Variants in PCCA observed in about 807,000 individuals in gnomAD.
The protein encoded by PCCA is propionyl-CoA carboxylase alpha chain, mitochondrial.
In PCCA, 74 loss-of-function variants were observed where a neutral mutation model predicts 101.3. The observed-to-expected ratio is 0.73, with a 90% CI of 0.61 to 0.89. PCCA has a LOEUF of 0.89. Among genes scored for constraint, PCCA ranks in the 40% least tolerant of loss-of-function variants. The probability of loss-of-function intolerance (pLI) is 0.00; values close to 1 mark genes in which losing one functional copy is unlikely to be tolerated. For synonymous variants in PCCA, 294 were observed against 313.6 expected, an observed-to-expected ratio of 0.94 and a Z score of 0.66; for missense variants, 891 against 907.0, an observed-to-expected ratio of 0.98 and a Z score of 0.23.
At chr13:100,128,122 T>A (rs1452732041) in intron 4 of PCCA, among the ~76,000 whole-genome samples, 1 of 152,128 alleles carries the variant, frequency 6.6e-6, no homozygotes, top group Non-Finnish European at 1.5e-5. Context: ...CTGTTTTAAA[T>A]TGAGAAAATT....
At chr13:100,390,836 T>G (rs1352938156) in intron 19 of PCCA, among the ~76,000 whole-genome samples, 2 of 152,194 alleles carry the variant, frequency 1.3e-5, no homozygotes, top group Non-Finnish European at 2.9e-5. Flanking sequence ...CATTGAGATA[T>G]GCGGACAAGT....
chr13:100,192,908 T>C (rs548842059), intron 6 of PCCA, among the ~76,000 whole-genome samples: 1 of 152,284 alleles, frequency 6.6e-6, no homozygotes, highest in East Asian at 1.9e-4. Context: ...TCTTACCGTG[T>C]ATTGTTTTTA....
rs397820375 is a variant in PCCA, at chr13:100,244,960, T to C, written c.637+9082T>C. On this transcript the variant is annotated intron_variant, in intron 8 of 23. Coordinates refer to ENST00000376285, the MANE Select transcript of PCCA (RefSeq NM_000282.4). ...GTGTGTGTGTGTGTGTGTGTGTGTG[T>C]GTGTGCGCAGTAGTAGAGATGTGGA... 6.7e-4 allele frequency among the ~76,000 whole-genome samples: 86 copies of C among 127,978 alleles called. 1 individual carries two copies. The highest frequency in any genetic ancestry group is 2.3e-3 in the African/African-American group (80 of 34,088). The allele number at this position is 127,978 out of a possible 152,430, so 84.0% of individuals were successfully genotyped here.
chr13:100,187,578 G>C (rs1331177893), intron 6 of PCCA, among the ~76,000 whole-genome samples: 1 of 152,134 alleles, frequency 6.6e-6, no homozygotes, highest in Non-Finnish European at 1.5e-5. Context: ...ATGAGTTAGA[G>C]TCAAACAGTG....
At chr13:100,113,469 C>T (rs558600371) in intron 4 of PCCA, among the ~76,000 whole-genome samples, 7 of 152,170 alleles carry the variant, frequency 4.6e-5, no homozygotes, top group East Asian at 1.9e-4. Flanking sequence ...TTAGGCTACA[C>T]GACATTTATA....
At chr13:100,435,869 C>T (rs1279170759) in intron 20 of PCCA, among the ~76,000 whole-genome samples, 1 of 151,988 alleles carries the variant, frequency 6.6e-6, no homozygotes, top group Non-Finnish European at 1.5e-5. Flanking sequence ...CATCGTGAAA[C>T]CCCGTCTCTA....
At chr13:100,442,013 A>C (rs2080410620) in intron 20 of PCCA, among the ~76,000 whole-genome samples, 1 of 129,240 alleles carries the variant, frequency 7.7e-6, no homozygotes. Context: ...TTTATTTTTG[A>C]GACAGAGTCT....
intron 19 of PCCA, among the ~76,000 whole-genome samples, chr13:100,405,570 A>C (rs1216720356): frequency 6.6e-6 from 1 of 152,204 alleles, no homozygotes; most frequent in Non-Finnish European, 1.5e-5. Context: ...CATAAAATGC[A>C]ACAAGAATAA....
chr13:100,151,867 A>AATTTAT (rs1321295166), intron 4 of PCCA, among the ~76,000 whole-genome samples: 54 of 152,176 alleles, frequency 3.5e-4, no homozygotes, highest in Non-Finnish European at 7.4e-5. Flanking sequence ...TATAAAAAGG[A>AATTTAT]ATTTATATTT....
At chr13:100,508,934 G>A (rs907166344) in intron 21 of PCCA, among the ~76,000 whole-genome samples, 5 of 151,930 alleles carry the variant, frequency 3.3e-5, no homozygotes, top group African/African-American at 9.7e-5. Context: ...AACCGTAAAC[G>A]CTTGCAGTTG....
intron 20 of PCCA, among the ~76,000 whole-genome samples, chr13:100,428,680 C>A (rs1250382348): frequency 6.6e-6 from 1 of 152,072 alleles, no homozygotes; most frequent in Non-Finnish European, 1.5e-5. Context: ...AGTTGTTGGA[C>A]CCACCCATAG....
chr13:100,361,667 A>G (rs1209346794), intron 18 of PCCA, among the ~76,000 whole-genome samples: 1 of 152,174 alleles, frequency 6.6e-6, no homozygotes, highest in African/African-American at 2.4e-5. Flanking sequence ...CAGCATTACT[A>G]GTCATGGGGG....
intron 6 of PCCA, among the ~76,000 whole-genome samples, chr13:100,200,350 C>T (rs909542398): frequency 3.3e-5 from 5 of 152,148 alleles, no homozygotes; most frequent in East Asian, 1.9e-4. Context: ...GTGATCCACC[C>T]GCCTTGGCCT....
intron 21 of PCCA, among the ~76,000 whole-genome samples, chr13:100,477,719 C>T (rs748293544): frequency 6.6e-6 from 1 of 152,146 alleles, no homozygotes; most frequent in Non-Finnish European, 1.5e-5. Flanking sequence ...ATACTATAAA[C>T]AAATAAAATG....
intron 8 of PCCA, among the ~76,000 whole-genome samples, chr13:100,255,699 G>A (rs2062029872): frequency 6.6e-6 from 1 of 152,104 alleles, no homozygotes; most frequent in African/African-American, 2.4e-5. Flanking sequence ...CTTCTCTACT[G>A]ATTTCATTCT....
At chr13:100,161,792 G>A (rs1267179333) in intron 6 of PCCA, among the ~76,000 whole-genome samples, 3 of 151,848 alleles carry the variant, frequency 2.0e-5, no homozygotes, top group Non-Finnish European at 2.9e-5. Flanking sequence ...TTTATATATC[G>A]CAGCTTAAGA....
At chr13:100,133,616 T>C (rs75003332) in intron 4 of PCCA, among the ~76,000 whole-genome samples, 2,034 of 152,322 alleles carry the variant, frequency 0.013, 38 homozygotes, top group African/African-American at 0.047. Flanking sequence ...TGTTGAATTA[T>C]TTCAACACCA....
chr13:100,201,857 CAAAAAAAAAAAAAAAA>C (rs55669622), intron 6 of PCCA, among the ~76,000 whole-genome samples: 3 of 60,732 alleles, frequency 4.9e-5, no homozygotes, highest in African/African-American at 1.3e-4. Flanking sequence ...AACTGCGTCT[CAAAAAAAAAAAAAAAA>C]AAAAAAAAAA....
At chr13:100,216,242 A>G (rs1036314216) in intron 7 of PCCA, among the ~76,000 whole-genome samples, 1 of 152,220 alleles carries the variant, frequency 6.6e-6, no homozygotes, top group Non-Finnish European at 1.5e-5. Flanking sequence ...AGCAAAGCAT[A>G]TTAGGCAGAA....
Sources: gnomAD v4.1 joint callset for allele counts (sites outside exome capture counted in the v4.1 genomes callset) on GRCh38, gnomAD v4.1.1 for gene constraint, MANE v1.5 for transcripts, NCBI Gene and HGNC (gene_info 2026-07-23, HGNC 2026-07-21) for gene names.